CTNND2: variants seen among roughly 807,000 people sequenced by gnomAD.
The protein encoded by CTNND2 is catenin delta-2.
CTNND2 carries 22 observed loss-of-function variants against 144.4 expected under a neutral mutation model. The observed-to-expected ratio is 0.15, with a 90% confidence interval of 0.11 to 0.22. The LOEUF is 0.22. CTNND2 is among the 10% of genes least tolerant of loss of function. The probability of loss-of-function intolerance (pLI) is 1.00; values close to 1 mark genes in which losing one functional copy is unlikely to be tolerated. For missense variants in CTNND2, 1,353 were observed against 1,618.8 expected (o/e 0.84, Z 2.82); for synonymous variants, 751 against 695.6 (o/e 1.08, Z -1.25).
intron 16 of CTNND2, among the ~76,000 whole-genome samples, chr5:11,040,731 C>T (rs1451437291): frequency 6.6e-6 from 1 of 152,076 alleles, no homozygotes; most frequent in Non-Finnish European, 1.5e-5. Context: ...TTGAGAAATA[C>T]TGAAAATGAG....
intron 12 of CTNND2, among the ~76,000 whole-genome samples, chr5:11,135,508 A>T (rs971518949): frequency 6.6e-6 from 1 of 152,218 alleles, no homozygotes; most frequent in Non-Finnish European, 1.5e-5. Context: ...TATCACACAA[A>T]TGTACATCGG....
At chr5:11,315,166 TAG>T (rs1258128110) in intron 9 of CTNND2, among the ~76,000 whole-genome samples, 1 of 152,170 alleles carries the variant, frequency 6.6e-6, no homozygotes, top group African/African-American at 2.4e-5. Flanking sequence ...TCCATCAGTT[TAG>T]AGTTTTCAAA....
intron 1 of CTNND2, among the ~76,000 whole-genome samples, chr5:11,788,498 C>T (rs1790957268): frequency 6.6e-6 from 1 of 152,062 alleles, no homozygotes; most frequent in Admixed American, 6.6e-5. Context: ...GCCAAAGATA[C>T]CACATTAAGA....
At chr5:11,272,892 G>A (rs947331514) in intron 9 of CTNND2, among the ~76,000 whole-genome samples, 1 of 152,124 alleles carries the variant, frequency 6.6e-6, no homozygotes. Flanking sequence ...GACAAATCTG[G>A]ACCACCTCCT....
At chr5:11,046,902 A>G (rs1006709665) in intron 16 of CTNND2, among the ~76,000 whole-genome samples, 2 of 152,230 alleles carry the variant, frequency 1.3e-5, no homozygotes, top group Non-Finnish European at 2.9e-5. Flanking sequence ...CAAAGCACAG[A>G]GCCAGCACTG....
chr5:11,362,688 A>T (rs1006092816), intron 8 of CTNND2, among the ~76,000 whole-genome samples: 1 of 152,132 alleles, frequency 6.6e-6, no homozygotes, highest in African/African-American at 2.4e-5. Context: ...TGCCACATTT[A>T]TTACCAGGAA....
At chr5:11,168,321 CAAG>C (rs540619552) in intron 11 of CTNND2, among the ~76,000 whole-genome samples, 10 of 152,258 alleles carry the variant, frequency 6.6e-5, no homozygotes, top group African/African-American at 2.4e-4. Flanking sequence ...GCAGCTACTA[CAAG>C]AAGTAGAAAG....
intron 2 of CTNND2, among the ~76,000 whole-genome samples, chr5:11,679,754 A>G (rs1030036860): frequency 9.2e-5 from 14 of 152,222 alleles, no homozygotes; most frequent in Non-Finnish European, 8.8e-5. Context: ...TCAACCAAAG[A>G]GTACAATCTC....
chr5:11,839,025 A>G lies in CTNND2; in HGVS notation c.37+64792T>C, dbSNP rs937143221. On this transcript the variant is annotated intron_variant, in intron 1 of 21. Transcript: ENST00000304623. ...TTATATGATTTATCGAATTCAGGCT[A>G]GCATGCTTAAATATGAAAATTTTGA... Among the ~76,000 whole-genome samples the G allele has an allele frequency of 2.0e-5, 3 of 152,140 alleles. No homozygotes were observed. The South Asian group carries it at 6.2e-4, about 32-fold the overall frequency.
intron 1 of CTNND2, among the ~76,000 whole-genome samples, chr5:11,874,349 T>C (rs1735391567): frequency 6.6e-6 from 1 of 152,174 alleles, no homozygotes; most frequent in African/African-American, 2.4e-5. Context: ...AAATCCTCTA[T>C]ATACACTAGG....
At chr5:11,849,826 C>T (rs548644152) in intron 1 of CTNND2, among the ~76,000 whole-genome samples, 1 of 152,246 alleles carries the variant, frequency 6.6e-6, no homozygotes, top group East Asian at 1.9e-4. Flanking sequence ...AAATATCTGA[C>T]CACAGTGGCA....
chr5:11,416,128 A>T (rs760207557), intron 3 of CTNND2, among the ~76,000 whole-genome samples: 3 of 152,214 alleles, frequency 2.0e-5, no homozygotes, highest in Non-Finnish European at 4.4e-5. Flanking sequence ...AGTTGGAAGA[A>T]AATGTCCGGG....
Position 11,898,017 on chromosome 5 carries a change from T to A in CTNND2, c.37+5800A>T, listed in dbSNP as rs576390332. Among the ~76,000 whole-genome samples, 9 of 152,316 alleles carry A rather than the reference T, an allele frequency of 5.9e-5. No individual in the cohort carries two copies. In the South Asian group the frequency reaches 1.0e-3, roughly 18 times the overall value. On this transcript the variant is annotated intron_variant, in intron 1 of 21. Coordinates refer to ENST00000304623, the MANE Select transcript of CTNND2 (RefSeq NM_001332.4). ...CTCTTCCTCTGGAGATCATCCTCCC[T>A]GCAGAGAGCAAGGCTTGGCTCTGCC...
chr5:11,860,844 A>G (rs911146693), intron 1 of CTNND2, among the ~76,000 whole-genome samples: 8 of 152,254 alleles, frequency 5.3e-5, no homozygotes, highest in Non-Finnish European at 1.0e-4. Flanking sequence ...TATTGCAAAT[A>G]TAGGGCATTG....
At chr5:11,082,483 A>AT (rs1749678407) in intron 16 of CTNND2, among the ~76,000 whole-genome samples, 1 of 152,216 alleles carries the variant, frequency 6.6e-6, no homozygotes, top group South Asian at 2.1e-4. Context: ...CAAGGATTAG[A>AT]AATGTCAACG....
In CTNND2 at chr5:11,411,671, A is replaced by G; in HGVS notation, c.323-19T>C. The G allele has an allele frequency of 7.1e-7, 1 of 1,413,340 alleles. No homozygotes were observed. Among genetic ancestry groups the G allele is most frequent in the Non-Finnish European group, 1.0e-6 (1 of 1,003,674 alleles). 87.5% of individuals were successfully genotyped at this position (1,413,340 alleles called of 1,614,324 possible). On this transcript the variant is annotated intron_variant, in intron 4 of 21. Coordinates refer to ENST00000304623, the MANE Select transcript of CTNND2 (RefSeq NM_001332.4). The stretch of plus-strand genomic sequence containing the variant: ...TGACCATCTGAAATGAAATATTTTA[A>G]AGTGATGAACAAACACATGGTATAT...
At chr5:11,100,656 T>C (rs1413376224) in intron 14 of CTNND2, among the ~76,000 whole-genome samples, 1 of 152,220 alleles carries the variant, frequency 6.6e-6, no homozygotes, top group African/African-American at 2.4e-5. Context: ...GGCAAATTAT[T>C]TCTTTTATTT....
intron 1 of CTNND2, among the ~76,000 whole-genome samples, chr5:11,848,931 T>A (rs1416293085): frequency 6.6e-6 from 1 of 152,060 alleles, no homozygotes; most frequent in Non-Finnish European, 1.5e-5. Context: ...AACTAGCATA[T>A]AAACTTGGAG....
At chr5:11,382,959 ATG>A (rs1758666816) in intron 7 of CTNND2, among the ~76,000 whole-genome samples, 1 of 152,028 alleles carries the variant, frequency 6.6e-6, no homozygotes, top group Non-Finnish European at 1.5e-5. Context: ...TATTTTTACA[ATG>A]TACTTTTACT....
Sources: allele counts gnomAD v4.1 joint callset (sites outside exome capture counted in the v4.1 genomes callset), GRCh38; gene constraint gnomAD v4.1.1; transcripts MANE v1.5; gene names NCBI Gene and HGNC (gene_info 2026-07-23, HGNC 2026-07-21).